Variants in MYT1L observed in about 807,000 individuals in gnomAD.
MYT1L encodes myelin transcription factor 1 like.
Under a neutral mutation model 126.7 loss-of-function variants are expected in MYT1L, and 12 were observed. The ratio of observed to expected loss-of-function variants is 0.09; its 90% confidence interval spans 0.06 to 0.15. The LOEUF (loss-of-function observed/expected upper bound fraction) is 0.15, where lower values mean the gene tolerates loss of function less well. Ranked by LOEUF, MYT1L falls within the 10% of genes least tolerant of loss-of-function variation. The pLI is 1.00. For missense variants in MYT1L, 979 were observed against 1,585.2 expected (o/e 0.62, Z 6.49); for synonymous variants, 541 against 604.2 (o/e 0.90, Z 1.53).
At position 1,922,652 on chromosome 2, in the gene MYT1L, C is replaced by T; in HGVS notation, c.1117G>A (p.Asp373Asn). ...PEEDFPGRTP[D>N]RNYSDMLNLM... Reference sequence around the variant, plus strand: ...TTCAGCATGTCCGAGTAGTTTCTGTCCGGCGTCCTTCCGGGGAAGTCCTCT... The same window carrying T: ...TTCAGCATGTCCGAGTAGTTTCTGTTCGGCGTCCTTCCGGGGAAGTCCTCT... Residue 373 changes from aspartate to asparagine, a missense_variant, in exon 10 of 25, where the codon GAC (aspartate) becomes AAC (asparagine). Asp to Asn is a conservative substitution (Grantham distance 23, BLOSUM62 1). Coordinates refer to ENST00000647738, the MANE Select transcript of MYT1L (RefSeq NM_001303052.2). The surrounding 1 kb of genome is among the most constrained non-coding windows in gnomAD (Gnocchi z 7.4). 3 of 1,613,892 alleles carry T rather than the reference C, an allele frequency of 1.9e-6. No homozygotes were observed. Among genetic ancestry groups the T allele is most frequent in the Non-Finnish European group, 2.5e-6 (3 of 1,179,860 alleles).
At chr2:2,219,445 T>A (rs921417475) in intron 2 of MYT1L, among the ~76,000 whole-genome samples, 5 of 152,204 alleles carry the variant, frequency 3.3e-5, no homozygotes, top group Non-Finnish European at 5.9e-5. Context: ...GAAGCAAAAT[T>A]TATTCAAAGA....
At chr2:2,004,849 CTCTTTCCTGCATGCGT>C (rs1558703751) in intron 4 of MYT1L, among the ~76,000 whole-genome samples, 2 of 60,486 alleles carry the variant, frequency 3.3e-5, no homozygotes, top group Non-Finnish European at 3.2e-5. Context: ...CCTGCATGCG[CTCTTTCCTGCATGCGT>C]TCTTTCCTGT....
At position 1,791,123 on chromosome 2, in the gene MYT1L, C is replaced by T; in HGVS notation, c.*744G>A. 1 of 450,432 alleles carries T rather than the reference C, an allele frequency of 2.2e-6. No individual in the cohort carries two copies. Among genetic ancestry groups the T allele is most frequent in the Non-Finnish European group, 4.5e-6 (1 of 219,826 alleles). The allele number at this position is 450,432 out of a possible 1,614,324, so 27.9% of individuals were successfully genotyped here. The stretch of plus-strand genomic sequence containing the variant: ...TAATTTAAAAGTGCTGTTTAAGCTG[C>T]TTTGAATCTTCTGCCAAGTTTCCAT... On this transcript the variant is annotated 3_prime_UTR_variant, in exon 25 of 25. Coordinates refer to ENST00000647738, the MANE Select transcript of MYT1L (RefSeq NM_001303052.2). This position sits in a 1 kb window ranked among gnomAD's most constrained non-coding sequence, Gnocchi z 6.0.
At chr2:2,115,968 A>G (rs1457945450) in intron 3 of MYT1L, among the ~76,000 whole-genome samples, 2 of 149,876 alleles carry the variant, frequency 1.3e-5, no homozygotes, top group African/African-American at 5.0e-5. Flanking sequence ...CACCACGTCC[A>G]GTCGACGAAA....
intron 3 of MYT1L, among the ~76,000 whole-genome samples, chr2:2,124,427 C>G (rs1222102482): frequency 6.6e-6 from 1 of 151,988 alleles, no homozygotes; most frequent in Non-Finnish European, 1.5e-5. Flanking sequence ...TCCTGAGTAG[C>G]TGGGATTACA....
intron 3 of MYT1L, among the ~76,000 whole-genome samples, chr2:2,139,786 C>G (rs2083673710): frequency 6.6e-6 from 1 of 152,154 alleles, no homozygotes; most frequent in Non-Finnish European, 1.5e-5. Flanking sequence ...GCTGCTTACT[C>G]TTCCATGGTT....
At chr2:2,286,763 C>T (rs909202679) in intron 1 of MYT1L, among the ~76,000 whole-genome samples, 5 of 152,168 alleles carry the variant, frequency 3.3e-5, no homozygotes, top group Non-Finnish European at 7.3e-5. Context: ...CAGGCATTGG[C>T]TTTGGAGAAC....
intron 8 of MYT1L, among the ~76,000 whole-genome samples, chr2:1,974,112 GT>G (rs1391940260): frequency 2.6e-5 from 4 of 152,226 alleles, no homozygotes; most frequent in African/African-American, 9.6e-5. Flanking sequence ...GACTTGCACA[GT>G]TGGGAGACTG....
intron 2 of MYT1L, among the ~76,000 whole-genome samples, chr2:2,239,849 A>T (rs2149129073): frequency 6.6e-6 from 1 of 152,024 alleles, no homozygotes; most frequent in South Asian, 2.1e-4. Flanking sequence ...CAGAGCAGAG[A>T]GCTGCTGTGG....
intron 1 of MYT1L, among the ~76,000 whole-genome samples, chr2:2,289,884 C>T (rs2095574162): frequency 6.6e-6 from 1 of 152,198 alleles, no homozygotes; most frequent in Non-Finnish European, 1.5e-5. Context: ...ATAAACAGGG[C>T]TTCACTTCAG....
At chr2:2,323,215 TA>T (rs1313104330) in intron 1 of MYT1L, among the ~76,000 whole-genome samples, 8 of 152,162 alleles carry the variant, frequency 5.3e-5, no homozygotes, top group Non-Finnish European at 1.0e-4. Flanking sequence ...TGAAAAGATA[TA>T]TTTTTTTAAA....
intron 2 of MYT1L, among the ~76,000 whole-genome samples, chr2:2,260,094 G>C (rs2094924755): frequency 6.6e-6 from 1 of 152,144 alleles, no homozygotes; most frequent in Admixed American, 6.5e-5. Flanking sequence ...CCATTCCTTA[G>C]TGTTTTCAGA....
At chr2:1,870,162 T>C (rs991493562) in intron 18 of MYT1L, among the ~76,000 whole-genome samples, 1 of 152,206 alleles carries the variant, frequency 6.6e-6, no homozygotes, top group African/African-American at 2.4e-5. Context: ...AAACTATTCA[T>C]TGAAATCATT....
intron 2 of MYT1L, among the ~76,000 whole-genome samples, chr2:2,220,583 T>A (rs2093830488): frequency 6.6e-6 from 1 of 152,096 alleles, no homozygotes. Context: ...AAGAAAAAGA[T>A]CTTGTTATGT....
At chr2:2,232,370 G>C (rs1401209950) in intron 2 of MYT1L, among the ~76,000 whole-genome samples, 1 of 152,230 alleles carries the variant, frequency 6.6e-6, no homozygotes, top group Non-Finnish European at 1.5e-5. Flanking sequence ...TGCATAGGCA[G>C]GTTCTCCTGG....
chr2:2,045,598 T>G (rs1057128801), intron 4 of MYT1L, among the ~76,000 whole-genome samples: 1 of 152,232 alleles, frequency 6.6e-6, no homozygotes, highest in African/African-American at 2.4e-5. Flanking sequence ...TAAGAGAGCA[T>G]GCAAAGCATT....
intron 3 of MYT1L, among the ~76,000 whole-genome samples, chr2:2,065,214 C>CA (rs2071072096): frequency 6.6e-6 from 1 of 151,832 alleles, no homozygotes; most frequent in Admixed American, 6.6e-5. Flanking sequence ...AGAAAACAAA[C>CA]AAAAAAATCA....
At position 1,887,522 on chromosome 2, in the gene MYT1L, G is replaced by A. The variant is rs372420905; in HGVS notation, c.2608C>T (p.Pro870Ser). The change falls in exon 17 of 25, where the codon CCT becomes TCT. Residue 870 changes from proline to serine, a missense_variant. Transcript: ENST00000647738. The surrounding 1 kb of genome is among the most constrained non-coding windows in gnomAD (Gnocchi z 4.8). Reference protein sequence around the residue: ...VTIPSPKPKYPQCKESKKDLI... With the variant: ...VTIPSPKPKYSQCKESKKDLI... ...TCCTTTTTGCTCTCCTTGCACTGAGGGTACTTGGGTTTGGGACTTGGGATG... is the reference window on the plus strand; with the variant it reads ...TCCTTTTTGCTCTCCTTGCACTGAGAGTACTTGGGTTTGGGACTTGGGATG... 14 of 1,613,868 alleles carry A rather than the reference G, an allele frequency of 8.7e-6. No homozygotes were observed. Among genetic ancestry groups the A allele is most frequent in the Non-Finnish European group, 1.2e-5 (14 of 1,179,908 alleles).
At chr2:2,031,365 T>C (rs1400963523) in intron 4 of MYT1L, among the ~76,000 whole-genome samples, 1 of 152,242 alleles carries the variant, frequency 6.6e-6, no homozygotes, top group African/African-American at 2.4e-5. Context: ...CCAGAGCAGA[T>C]TGTAGAAGGA....
Sources: allele counts gnomAD v4.1 joint callset (sites outside exome capture counted in the v4.1 genomes callset), GRCh38; gene constraint gnomAD v4.1.1; non-coding constraint Gnocchi (gnomAD v3.1); transcripts MANE v1.5; gene names NCBI Gene and HGNC (gene_info 2026-07-23, HGNC 2026-07-21).